The following THSD4 variants were observed in gnomAD, a reference collection of about 807,000 sequenced individuals.
THSD4 encodes the protein thrombospondin type 1 domain containing 4.
THSD4 carries 69 observed loss-of-function variants against 119.0 expected under a neutral mutation model. The observed-to-expected ratio is 0.58, with a 90% CI of 0.48 to 0.71. The LOEUF (loss-of-function observed/expected upper bound fraction) is 0.71. Ranked by LOEUF, THSD4 falls within the 30% of genes least tolerant of loss-of-function variation. THSD4 has a pLI of 0.00. For synonymous variants in THSD4, 524 were observed against 540.4 expected, an observed-to-expected ratio of 0.97 and a Z score of 0.42; for missense variants, 1,393 against 1,391.1, an observed-to-expected ratio of 1.00 and a Z score of -0.02.
At chr15:71,439,936 G>T (rs2047067769) in intron 7 of THSD4, among the ~76,000 whole-genome samples, 1 of 152,136 alleles carries the variant, frequency 6.6e-6, no homozygotes, top group South Asian at 2.1e-4. Context: ...GATGGGTGCA[G>T]CAAACCACCA....
At chr15:71,494,923 T>A (rs1220678897) in intron 7 of THSD4, among the ~76,000 whole-genome samples, 1 of 152,178 alleles carries the variant, frequency 6.6e-6, no homozygotes. Flanking sequence ...TAAGAAGTGA[T>A]TTAGGTGCTC....
chr15:71,485,659 A>G (rs1366922363), intron 7 of THSD4, among the ~76,000 whole-genome samples: 4 of 151,710 alleles, frequency 2.6e-5, no homozygotes, highest in African/African-American at 7.3e-5. Flanking sequence ...TCTACAGACC[A>G]CTTGTCCAGG....
intron 15 of THSD4, among the ~76,000 whole-genome samples, chr15:71,759,490 T>C (rs2053596472): frequency 6.6e-6 from 1 of 152,256 alleles, no homozygotes; most frequent in Non-Finnish European, 1.5e-5. Context: ...ACCCATTGCT[T>C]GGGATATGGG....
At chr15:71,113,033 A>G (rs925414027), upstream of THSD4, among the ~76,000 whole-genome samples, 6 of 152,200 alleles carry the variant, frequency 3.9e-5, no homozygotes, top group African/African-American at 7.2e-5. Context: ...AAAAAATGAA[A>G]AAAAAATTAG....
chr15:71,298,806 T>C (rs1237183283), intron 6 of THSD4, among the ~76,000 whole-genome samples: 1 of 151,926 alleles, frequency 6.6e-6, no homozygotes, highest in Non-Finnish European at 1.5e-5. Flanking sequence ...AGAGACGGGG[T>C]TTTACTCTGT....
At chr15:71,169,017 G>A (rs1596237943) in intron 3 of THSD4, among the ~76,000 whole-genome samples, 2 of 152,212 alleles carry the variant, frequency 1.3e-5, no homozygotes, top group South Asian at 2.1e-4. Flanking sequence ...GAAAAGATAC[G>A]CCATGGACAG....
intron 6 of THSD4, among the ~76,000 whole-genome samples, chr15:71,347,878 C>T (rs2045687755): frequency 2.0e-5 from 3 of 152,152 alleles, no homozygotes; most frequent in Admixed American, 2.0e-4. Flanking sequence ...ATCAGCCGGA[C>T]CACCCAAACA....
At chr15:71,675,404 C>T (rs16956043) in intron 8 of THSD4, among the ~76,000 whole-genome samples, 18,132 of 152,184 alleles carry the variant, frequency 0.12, 1,220 homozygotes, top group South Asian at 0.17. Context: ...CCGGTGAGGC[C>T]GTGCAATCCT....
intron 6 of THSD4, among the ~76,000 whole-genome samples, chr15:71,380,061 G>C (rs2046207423): frequency 6.6e-6 from 1 of 152,128 alleles, no homozygotes; most frequent in African/African-American, 2.4e-5. Flanking sequence ...AAGGTTGTCT[G>C]CTGTGACCGG....
chr15:71,168,465 T>C (rs2043317696), intron 3 of THSD4, among the ~76,000 whole-genome samples: 1 of 152,208 alleles, frequency 6.6e-6, no homozygotes, highest in East Asian at 1.9e-4. Flanking sequence ...TAAAAATATT[T>C]ATGTTTATTA....
At chr15:71,414,665 A>G (rs897233799) in intron 7 of THSD4, among the ~76,000 whole-genome samples, 1 of 152,228 alleles carries the variant, frequency 6.6e-6, no homozygotes, top group African/African-American at 2.4e-5. Context: ...AATGTCTATT[A>G]GCTGATGATA....
chr15:71,311,799 T>G (rs2140350468), intron 6 of THSD4, among the ~76,000 whole-genome samples: 2 of 152,284 alleles, frequency 1.3e-5, no homozygotes, highest in Middle Eastern at 3.4e-3. Flanking sequence ...TCACTCCTCT[T>G]CAGTCTGTTA....
chr15:71,344,485 C>G (rs1433320402), intron 6 of THSD4, among the ~76,000 whole-genome samples: 1 of 152,090 alleles, frequency 6.6e-6, no homozygotes, highest in Non-Finnish European at 1.5e-5. Context: ...GGAGCATTGA[C>G]GACCTCTTCA....
At chr15:71,722,565 A>G (rs1052916308) in intron 8 of THSD4, among the ~76,000 whole-genome samples, 3 of 152,200 alleles carry the variant, frequency 2.0e-5, no homozygotes, top group African/African-American at 7.2e-5. Context: ...TCAATTCTGC[A>G]TTTTTGATGT....
At chr15:71,529,758 G>C (rs1222696317) in intron 7 of THSD4, among the ~76,000 whole-genome samples, 1 of 152,166 alleles carries the variant, frequency 6.6e-6, no homozygotes, top group African/African-American at 2.4e-5. Flanking sequence ...ACTGAAAATA[G>C]TTTTACCTTT....
At chr15:71,770,346 T>TAA (rs71131707) in intron 16 of THSD4, among the ~76,000 whole-genome samples, 51 of 127,466 alleles carry the variant, frequency 4.0e-4, no homozygotes, top group Middle Eastern at 4.2e-3. Flanking sequence ...ATATGTCCTT[T>TAA]AAAAAAAAAA....
Position 71,590,242 on chromosome 15 carries a change from T to G in THSD4, c.1153-70288T>G, listed in dbSNP as rs2049767915. On this transcript the variant is annotated intron_variant, in intron 7 of 17. Coordinates refer to ENST00000261862, the MANE Select transcript of THSD4 (RefSeq NM_024817.3). ...GACTTGAAATATTCCGTAATACGTT[T>G]GTTCACAGCAGAATTTCAGAATGGC... Among the ~76,000 whole-genome samples the G allele has an allele frequency of 1.4e-5, 2 of 138,682 alleles. 1 individual carries two copies. Among genetic ancestry groups the G allele is most frequent in the Non-Finnish European group, 3.3e-5 (2 of 61,016 alleles). The allele number at this position is 138,682 out of a possible 152,430, so 91.0% of individuals were successfully genotyped here.
chr15:71,220,741 C>G (rs1011637132), intron 4 of THSD4, among the ~76,000 whole-genome samples: 2 of 152,280 alleles, frequency 1.3e-5, no homozygotes, highest in Admixed American at 6.5e-5. Flanking sequence ...TAGGGCCACT[C>G]AGGAAGACAG....
At chr15:71,581,477 A>G (rs979383977) in intron 7 of THSD4, among the ~76,000 whole-genome samples, 20 of 152,232 alleles carry the variant, frequency 1.3e-4, no homozygotes, top group Middle Eastern at 6.8e-3. Flanking sequence ...CTTCTATTCC[A>G]TAGGTTGCCT....
Sources: allele counts gnomAD v4.1 joint callset (sites outside exome capture counted in the v4.1 genomes callset), GRCh38; gene constraint gnomAD v4.1.1; transcripts MANE v1.5; gene names NCBI Gene and HGNC (gene_info 2026-07-23, HGNC 2026-07-21).